ZNF41: variants seen among roughly 807,000 people sequenced by gnomAD.
The protein encoded by ZNF41 is zinc finger protein 41.
Under a neutral mutation model 9.3 loss-of-function variants are expected in ZNF41, and 6 were observed. The ratio of observed to expected loss-of-function variants is 0.65; its 90% CI spans 0.35 to 1.28. The LOEUF (loss-of-function observed/expected upper bound fraction) is 1.28, where lower values mean the gene tolerates loss of function less well. Among genes scored for constraint, ZNF41 ranks in the 50% most tolerant of loss-of-function variants. ZNF41 has a pLI of 0.03. For missense variants in ZNF41, 523 were observed against 585.8 expected (o/e 0.89, Z 1.11); for synonymous variants, 192 against 207.1 (o/e 0.93, Z 0.63).
Position 47,446,274 on chromosome X carries a change from T to C in ZNF41, c.*1156A>G, listed in dbSNP as rs1373936562. The C allele has an allele frequency of 9.0e-6, 1 of 111,636 alleles. No individual in the cohort carries two copies. Among genetic ancestry groups the C allele is most frequent in the Non-Finnish European group, 1.9e-5 (1 of 53,180 alleles). The allele number at this position is 111,636 out of a possible 1,213,427, so 9.2% of individuals were successfully genotyped here. ...AGCAGTGCTCTTTCTTGAGAAGTCT[T>C]CCAGTTATTCAACTATGATAAACTG... On this transcript the variant is annotated 3_prime_UTR_variant, in exon 5 of 5. Coordinates refer to ENST00000684689, the MANE Select transcript of ZNF41 (RefSeq NM_001324144.2).
chrX:47,469,564 T>TAAATAAATAAATTTTTTTTCC (rs2057115762), intron 1 of ZNF41, among the ~76,000 whole-genome samples: 1 of 111,129 alleles, frequency 9.0e-6, no homozygotes, highest in Non-Finnish European at 1.9e-5. Flanking sequence ...ATAAGGCTGT[T>TAAATAAATAAATTTTTTTTCC]ACTATTAACT....
intron 1 of ZNF41, among the ~76,000 whole-genome samples, chrX:47,471,412 G>A (rs1019870249): frequency 9.2e-6 from 1 of 108,677 alleles, no homozygotes; most frequent in East Asian, 2.9e-4. Context: ...TCTCACCACT[G>A]CACTCCAGCC....
intron 2 of ZNF41, among the ~76,000 whole-genome samples, chrX:47,457,091 T>C (rs775702665): frequency 9.0e-6 from 1 of 111,538 alleles, no homozygotes. Context: ...GACATGATGG[T>C]AATTGTGTGA....
rs771306630 is a variant in ZNF41 at position 47,449,380 on chromosome X, T to C, written c.390A>G (p.Leu130=). The part of the protein sequence containing the change: ...RFDQPIGEDS[L]CSILEELWQD... ...GCCACAGTTCTTCTAAAATAGAACATAATGAATCTTCTCCTATGGGTTGAT... is the reference window on the plus strand; with the variant it reads ...GCCACAGTTCTTCTAAAATAGAACACAATGAATCTTCTCCTATGGGTTGAT... The change falls in exon 5 of 5, where the codon TTA becomes TTG. Residue 130 remains leucine (L), a synonymous_variant. Coordinates refer to ENST00000684689, the MANE Select transcript of ZNF41 (RefSeq NM_001324144.2). The C allele has an allele frequency of 2.2e-5, 27 of 1,209,594 alleles. No individual in the cohort carries two copies. Among genetic ancestry groups the C allele is most frequent in the African/African-American group, 7.0e-5 (4 of 57,149 alleles).
At chrX:47,453,793 C>T (rs965143619) in intron 4 of ZNF41, among the ~76,000 whole-genome samples, 6 of 111,799 alleles carry the variant, frequency 5.4e-5, no homozygotes, top group South Asian at 7.4e-4. Flanking sequence ...TGGAGCTGGC[C>T]GGGCGCGGTG....
intron 2 of ZNF41, among the ~76,000 whole-genome samples, chrX:47,460,445 T>A (rs1358660466): frequency 8.9e-6 from 1 of 111,973 alleles, no homozygotes; most frequent in African/African-American, 3.2e-5. Flanking sequence ...CTACTATTCA[T>A]TTAAAACACA....
In ZNF41 at chrX:47,447,448, G is replaced by T; in HGVS notation, c.2322C>A (p.Arg774=). ...GACTTTCTCAGTCACTGGCTTTATA[G>T]CGTTTTTCTCCACTATGCATTTTCT... is the stretch of plus-strand genomic sequence containing the variant. ...KHQKMHSGEK[R]YKASD The change falls in exon 5 of 5, where the codon CGC becomes CGA. Residue 774 remains arginine, a synonymous_variant. Transcript: ENST00000684689. The T allele has an allele frequency of 8.3e-7, 1 of 1,210,990 alleles. No homozygotes were observed. Among genetic ancestry groups the T allele is most frequent in the Non-Finnish European group, 1.1e-6 (1 of 895,459 alleles).
rs150715376 is a variant in ZNF41 at position 47,449,277 on chromosome X, T to C, written c.493A>G (p.Arg165Gly). ...LSHVKVLIKE[R>G]GYEHKNIEKI... is the part of the protein sequence containing the mutation. ...TCAATGTTTTTATGTTCATAGCCCC[T>C]CTCCTTAATCAATACTTTCACATGA... Residue 165 changes from arginine (R) to glycine (G), a missense_variant, in exon 5 of 5, where the codon AGG (arginine) becomes GGG (glycine). Coordinates refer to ENST00000684689, the MANE Select transcript of ZNF41 (RefSeq NM_001324144.2). The C allele has an allele frequency of 1.7e-6, 2 of 1,211,276 alleles. No individual in the cohort carries two copies. Among genetic ancestry groups the C allele is most frequent in the Non-Finnish European group, 2.2e-6 (2 of 895,164 alleles).
chrX:47,464,096 G>A (rs766313445), intron 2 of ZNF41, among the ~76,000 whole-genome samples: 1 of 110,813 alleles, frequency 9.0e-6, no homozygotes, highest in South Asian at 3.9e-4. Context: ...TGACTGCTCC[G>A]TCTGGCTGCT....
intron 4 of ZNF41, among the ~76,000 whole-genome samples, chrX:47,450,820 C>T (rs1421542540): frequency 9.0e-6 from 1 of 111,568 alleles, no homozygotes; most frequent in African/African-American, 3.3e-5. Context: ...AGGCAGGTGA[C>T]AACAATGCCC....
Position 47,448,166 on chromosome X carries a change from T to C in ZNF41, c.1604A>G (p.Gln535Arg), listed in dbSNP as rs756218850. 10 of 1,209,652 alleles carry C rather than the reference T, an allele frequency of 8.3e-6. No individual in the cohort carries two copies. The East Asian group carries it at 3.0e-4, about 36-fold the overall frequency. Residue 535 changes from glutamine (Q) to arginine (R), a missense_variant, in exon 5 of 5, where the codon CAG becomes CGG. Physicochemically the swap from Gln to Arg is conservative, Grantham distance 43. Transcript: ENST00000684689. The stretch of plus-strand genomic sequence containing the variant: ...TTTCTGGTGTTTAATGAGATTTGAC[T>C]GGTCAGTAAAAGCCTTTCCACATTC... ...CAECGKAFTD[Q>R]SNLIKHQKTH... is the part of the protein sequence containing the mutation.
Position 47,470,124 on chromosome X carries a change from A to T in ZNF41, c.-279-2364T>A, listed in dbSNP as rs754512336. Among the ~76,000 whole-genome samples the T allele has an allele frequency of 2.2e-4, 24 of 110,979 alleles. No homozygotes were observed. In the East Asian group the frequency reaches 6.8e-3, roughly 31 times the overall value. ...TAAAAACCTAAAAGGAAAGAGAAACATGACTGAGGCCGGGCGCAGTGGCTC... is the reference window on the plus strand; with the variant it reads ...TAAAAACCTAAAAGGAAAGAGAAACTTGACTGAGGCCGGGCGCAGTGGCTC... On this transcript the variant is annotated intron_variant, in intron 1 of 4. Transcript: ENST00000684689.
At chrX:47,472,445 T>TC (rs2057219156) in intron 1 of ZNF41, among the ~76,000 whole-genome samples, 1 of 89,617 alleles carries the variant, frequency 1.1e-5, no homozygotes, top group African/African-American at 4.1e-5. Flanking sequence ...TTTTTTTTTT[T>TC]TTTTTTTTTT....
At chrX:47,461,798 C>T (rs991997765) in intron 2 of ZNF41, among the ~76,000 whole-genome samples, 1 of 111,685 alleles carries the variant, frequency 9.0e-6, no homozygotes, top group East Asian at 2.8e-4. Flanking sequence ...GCCTCAAACT[C>T]CTGGGCTCAA....
At chrX:47,469,730 C>T (rs1018587277) in intron 1 of ZNF41, among the ~76,000 whole-genome samples, 60 of 111,073 alleles carry the variant, frequency 5.4e-4, no homozygotes, top group African/African-American at 1.9e-3. Flanking sequence ...ATTAGCCAGG[C>T]GTGGTGGCAC....
intron 1 of ZNF41, among the ~76,000 whole-genome samples, chrX:47,468,504 A>G (rs1322525502): frequency 9.0e-6 from 1 of 111,334 alleles, no homozygotes; most frequent in Non-Finnish European, 1.9e-5. Context: ...CCTATAGCCC[A>G]CACCGTTGAC....
chrX:47,466,674 C>T lies in ZNF41; in HGVS notation c.72+736G>A, dbSNP rs775985898. Among the ~76,000 whole-genome samples the T allele has an allele frequency of 3.5e-4, 39 of 111,267 alleles. 1 individual carries two copies. In the South Asian group the frequency reaches 0.015, roughly 42 times the overall value. On this transcript the variant is annotated intron_variant, in intron 2 of 4. Transcript: ENST00000684689. ...CTGGGATTACAGGCATGTGCCACCA[C>T]ATTCAGCTAACTTTTTGTATTTTTA...
chrX:47,450,862 G>C (rs1157911472), intron 4 of ZNF41, among the ~76,000 whole-genome samples: 1 of 111,699 alleles, frequency 9.0e-6, no homozygotes, highest in African/African-American at 3.3e-5. Flanking sequence ...CTTAGAACAT[G>C]GTCCCTGAAT....
At chrX:47,460,745 A>C (rs2056754863) in intron 2 of ZNF41, among the ~76,000 whole-genome samples, 1 of 112,280 alleles carries the variant, frequency 8.9e-6, no homozygotes, top group Non-Finnish European at 1.9e-5. Flanking sequence ...AAAGACTGAT[A>C]ATACCAAGTG....
Sources: gnomAD v4.1 joint callset for allele counts (sites outside exome capture counted in the v4.1 genomes callset) on GRCh38, gnomAD v4.1.1 for gene constraint, MANE v1.5 for transcripts, NCBI Gene and HGNC (gene_info 2026-07-23, HGNC 2026-07-21) for gene names.